The following PIK3R6 variants were observed in gnomAD, a reference collection of about 807,000 sequenced individuals.
The protein encoded by PIK3R6 is phosphoinositide-3-kinase regulatory subunit 6.
In PIK3R6, 91 loss-of-function variants were observed where a neutral mutation model predicts 84.9. That is an observed-to-expected ratio of 1.07 (90% CI 0.90 to 1.28). PIK3R6 has a LOEUF of 1.28. Among genes scored for constraint, PIK3R6 ranks in the 50% most tolerant of loss-of-function variants. The pLI, the probability that PIK3R6 is intolerant of heterozygous loss-of-function variation, is 0.00. For synonymous variants in PIK3R6, 416 were observed against 411.4 expected (o/e 1.01, Z -0.13); for missense variants, 996 against 985.1 (o/e 1.01, Z -0.15).
chr17:8,854,586 G>A (rs748289696), intron 1 of PIK3R6, among the ~76,000 whole-genome samples: 5 of 152,246 alleles, frequency 3.3e-5, no homozygotes, highest in Non-Finnish European at 7.3e-5. Context: ...GTAAAGGCAA[G>A]TCAATGGAGA....
rs1252036338 is a variant in PIK3R6 at position 8,828,690 on chromosome 17, G to A, written c.1190C>T (p.Thr397Ile). The stretch of plus-strand genomic sequence containing the variant: ...TTCCCCATCCCCACTGGGCCGGCCT[G>A]TCCTCCGGTGCAGCCCTGGGGGCCC... Reference protein sequence around the residue: ...WDGPPGLHRRTGRPSGDGEML... With the variant: ...WDGPPGLHRRIGRPSGDGEML... Residue 397 changes from threonine (T) to isoleucine (I), a missense_variant, in exon 11 of 20, where the codon ACA (threonine) becomes ATA (isoleucine). Physicochemically the swap from Thr to Ile is moderately conservative, Grantham distance 89 (BLOSUM62 -1). Transcript: ENST00000619866. The A allele has an allele frequency of 6.2e-7, 1 of 1,611,550 alleles. No homozygotes were observed. Among genetic ancestry groups the A allele is most frequent in the Non-Finnish European group, 8.5e-7 (1 of 1,178,996 alleles).
Position 8,803,093 on chromosome 17 carries a change from T to C in PIK3R6, c.*180A>G, listed in dbSNP as rs922617572. On this transcript the variant is annotated 3_prime_UTR_variant, in exon 20 of 20. Transcript: ENST00000619866. The surrounding 1 kb of genome is among the most constrained non-coding windows in gnomAD (Gnocchi z 5.0). ...TGCCTGGGCCATCCGTAGACCTCCA[T>C]GTGGGCCCTTCCTCATCACAGTCCC... 7.3e-6 allele frequency: 5 copies of C among 681,252 alleles called. No homozygotes were observed. Among genetic ancestry groups the C allele is most frequent in the Non-Finnish European group, 1.2e-5 (5 of 410,890 alleles). The allele number at this position is 681,252 out of a possible 1,614,324, so 42.2% of individuals were successfully genotyped here.
intron 2 of PIK3R6, among the ~76,000 whole-genome samples, 154 bp downstream of exon 2, chr17:8,849,628 G>T (rs1317553626): frequency 6.6e-6 from 1 of 151,650 alleles, no homozygotes; most frequent in African/African-American, 2.4e-5. Flanking sequence ...CTCTCAAGAT[G>T]TTCTTACATT....
chr17:8,814,072 C>T (rs1442752484), intron 18 of PIK3R6, among the ~76,000 whole-genome samples: 1 of 152,098 alleles, frequency 6.6e-6, no homozygotes, highest in East Asian at 1.9e-4. Flanking sequence ...TCTGGAAAAA[C>T]AAAACTATCC....
intron 11 of PIK3R6, 115 bp from the exon 12 acceptor site, chr17:8,828,305 C>A (rs918990657): frequency 8.9e-7 from 1 of 1,125,184 alleles, no homozygotes; most frequent in Admixed American, 2.0e-5. Flanking sequence ...CTTTCTGAGC[C>A]TCTGCTTTCT....
At position 8,821,929 on chromosome 17, in the gene PIK3R6, A is replaced by C; in HGVS notation, c.1796T>G (p.Leu599Arg). 6.3e-7 allele frequency: 1 copy of C among 1,581,084 alleles called. No homozygotes were observed. Among genetic ancestry groups the C allele is most frequent in the Non-Finnish European group, 8.6e-7 (1 of 1,163,104 alleles). ...GGTGACCTCTCGGGGCCGGTGGCTA[A>C]GCAAGGCCTGAGGAGGGGGATCGAG... ...ELSLCYQKAL[L>R]SHRPREVTVS... The change falls in exon 17 of 20, where the codon CTT becomes CGT. Residue 599 changes from leucine to arginine, a missense_variant. Leu to Arg is a moderately radical substitution (Grantham distance 102, BLOSUM62 -2). Transcript: ENST00000619866.
chr17:8,845,883 G>A (rs1481791852), intron 2 of PIK3R6, among the ~76,000 whole-genome samples: 1 of 152,142 alleles, frequency 6.6e-6, no homozygotes, highest in Non-Finnish European at 1.5e-5. Context: ...ATTGCAGTGA[G>A]CTGAGATTAC....
In PIK3R6 at chr17:8,852,938, G is replaced by A. The variant is rs139755232; in HGVS notation, c.-91-3053C>T. ...TCATACTTTTTTGTCTAAGCAATTC[G>A]ACCTTTAAAAACCTATCTGAAGGGA... On this transcript the variant is annotated intron_variant, in intron 1 of 19. Transcript: ENST00000619866. 1.3e-3 allele frequency among the ~76,000 whole-genome samples: 190 copies of A among 151,644 alleles called. 1 individual carries two copies. The East Asian group carries it at 0.027, about 22-fold the overall frequency.
intron 9 of PIK3R6, among the ~76,000 whole-genome samples, chr17:8,831,145 CAAAAAAAAAAAAA>C (rs35954175): frequency 2.4e-5 from 1 of 42,012 alleles, no homozygotes; most frequent in Non-Finnish European, 4.2e-5. Context: ...GATTGTGTCT[CAAAAAAAAAAAAA>C]AAAAAAAAAA....
At chr17:8,867,135 G>A (rs921248002) in intron 1 of PIK3R6, among the ~76,000 whole-genome samples, 3 of 152,102 alleles carry the variant, frequency 2.0e-5, no homozygotes, top group Admixed American at 6.5e-5. Context: ...CTATAAAATG[G>A]CACTAAAACA....
At chr17:8,858,310 C>CTTTTTTTTTTTTTTTTTTTTT (rs752142944) in intron 1 of PIK3R6, among the ~76,000 whole-genome samples, 1 of 95,512 alleles carries the variant, frequency 1.0e-5, no homozygotes. Context: ...CTCAATTAAT[C>CTTTTTTTTTTTTTTTTTTTTT]TTTTTTTTTT....
rs144877830 is a variant in PIK3R6, at chr17:8,824,348, C to T, written c.1516-851G>A. ...CTTGTCCTCCAGTCCTTCCCTGGTC[C>T]CATATGATGATAAAGCATAGTGACT... On this transcript the variant is annotated intron_variant, in intron 13 of 19. Transcript: ENST00000619866. 4.7e-3 allele frequency among the ~76,000 whole-genome samples: 712 copies of T among 152,270 alleles called. 7 individuals are homozygous for T. Among genetic ancestry groups the T allele is most frequent in the African/African-American group, 0.016 (661 of 41,560 alleles).
intron 18 of PIK3R6, among the ~76,000 whole-genome samples, chr17:8,811,938 C>T (rs896347301): frequency 1.2e-4 from 17 of 136,278 alleles, no homozygotes; most frequent in African/African-American, 4.9e-4. Context: ...CCAATTTACT[C>T]AATCCATTTC....
Position 8,803,382 on chromosome 17 carries a change from G to A in PIK3R6, c.2156C>T (p.Ser719Phe). 1 of 1,613,498 alleles carries A rather than the reference G, an allele frequency of 6.2e-7. No homozygotes were observed. The highest frequency in any genetic ancestry group is 8.5e-7 in the Non-Finnish European group (1 of 1,179,634). ...CPEPCSGAQK[S>F]KAPWLNLHGQ... Reference sequence around the variant, plus strand: ...ATGCAAATTGAGCCACGGTGCCTTGGACTTCTGGGCCCCAGAACATGGTTC... The same window carrying A: ...ATGCAAATTGAGCCACGGTGCCTTGAACTTCTGGGCCCCAGAACATGGTTC... Residue 719 changes from serine to phenylalanine, a missense_variant, in exon 20 of 20, where the codon TCC becomes TTC. By Grantham distance (155) the Ser-to-Phe change is radical. Coordinates refer to ENST00000619866, the MANE Select transcript of PIK3R6 (RefSeq NM_001010855.4). This position sits in a 1 kb window ranked among gnomAD's most constrained non-coding sequence, Gnocchi z 5.0.
chr17:8,846,243 T>A lies in PIK3R6; in HGVS notation c.13+3539A>T, dbSNP rs1275981675. Among the ~76,000 whole-genome samples, 3 of 152,216 alleles carry A rather than the reference T, an allele frequency of 2.0e-5. No individual in the cohort carries two copies. In the East Asian group the frequency reaches 5.8e-4, roughly 29 times the overall value. On this transcript the variant is annotated intron_variant, in intron 2 of 19. Transcript: ENST00000619866. ...GTCCTTTCCCCATTGCTTATGTTTG[T>A]CAACTTTGTCAAAGATCAGGTGGCT...
chr17:8,858,310 C>CTTTTTTTTTTTTTTTTTTT (rs752142944), intron 1 of PIK3R6, among the ~76,000 whole-genome samples: 1 of 95,512 alleles, frequency 1.0e-5, no homozygotes, highest in Admixed American at 1.2e-4. Flanking sequence ...CTCAATTAAT[C>CTTTTTTTTTTTTTTTTTTT]TTTTTTTTTT....
rs781697011 is a variant in PIK3R6 at position 8,803,364 on chromosome 17, T to C, written c.2174A>G (p.Asn725Ser). 3.7e-6 allele frequency: 6 copies of C among 1,613,582 alleles called. No homozygotes were observed. In the African/African-American group the frequency reaches 4.0e-5, roughly 11 times the overall value. The change falls in exon 20 of 20, where the codon AAT becomes AGT. Residue 725 changes from asparagine (N) to serine (S), a missense_variant. Asn to Ser is a conservative substitution (Grantham distance 46). Coordinates refer to ENST00000619866, the MANE Select transcript of PIK3R6 (RefSeq NM_001010855.4). This position sits in a 1 kb window ranked among gnomAD's most constrained non-coding sequence, Gnocchi z 5.0. ...GAQKSKAPWL[N>S]LHGQQEVEAI... ...TTCCACCTCCTGTTGCCCATGCAAA[T>C]TGAGCCACGGTGCCTTGGACTTCTG...
intron 16 of PIK3R6, 78 bp from the exon 17 acceptor site, chr17:8,822,014 T>G: frequency 8.3e-7 from 1 of 1,200,958 alleles, no homozygotes; most frequent in South Asian, 1.3e-5. Context: ...TCCACAGTCT[T>G]GCCTCTCTCC....
Position 8,828,849 on chromosome 17 carries a change from C to T in PIK3R6, c.1031G>A (p.Arg344Gln), listed in dbSNP as rs1234747351. The T allele has an allele frequency of 3.1e-5, 50 of 1,595,976 alleles. No homozygotes were observed. The highest frequency in any genetic ancestry group is 4.1e-5 in the Non-Finnish European group (48 of 1,170,868). ...CTCATCAGCCCCCGTGGGAAGGTCC[C>T]GCTCAATGCCGCTGTCAGTGGACAG... ...SVLSTDSGIERDLPTGADELP... is the reference protein window; with the variant it reads ...SVLSTDSGIEQDLPTGADELP... The change falls in exon 11 of 20, where the codon CGG (arginine) becomes CAG (glutamine). Residue 344 changes from arginine (R) to glutamine (Q), a missense_variant. Transcript: ENST00000619866.
Sources: allele counts gnomAD v4.1 joint callset (sites outside exome capture counted in the v4.1 genomes callset), GRCh38; gene constraint gnomAD v4.1.1; non-coding constraint Gnocchi (gnomAD v3.1); transcripts MANE v1.5; gene names NCBI Gene and HGNC (gene_info 2026-07-23, HGNC 2026-07-21).